The following PCYT1B variants were observed in gnomAD, a reference collection of about 807,000 sequenced individuals.
PCYT1B encodes the protein choline-phosphate cytidylyltransferase B.
In PCYT1B, 10 loss-of-function variants were observed where a neutral mutation model predicts 26.4. That is an observed-to-expected ratio of 0.38 (90% CI 0.23 to 0.64). The LOEUF (loss-of-function observed/expected upper bound fraction) is 0.64. Ranked by LOEUF, PCYT1B falls within the 30% of genes least tolerant of loss-of-function variation. The pLI is 0.56. For synonymous variants in PCYT1B, 131 were observed against 108.4 expected, an observed-to-expected ratio of 1.21 and a Z score of -1.29; for missense variants, 161 against 292.7, an observed-to-expected ratio of 0.55 and a Z score of 3.28.
upstream of PCYT1B, among the ~76,000 whole-genome samples, chrX:24,649,268 T>C (rs150547153): frequency 8.9e-6 from 1 of 111,848 alleles, no homozygotes; most frequent in Non-Finnish European, 1.9e-5. Context: ...GACATGGTTA[T>C]TCTAATCTCA....
At chrX:24,617,985 A>G (rs1256092801) in intron 2 of PCYT1B, among the ~76,000 whole-genome samples, 1 of 111,992 alleles carries the variant, frequency 8.9e-6, no homozygotes, top group African/African-American at 3.2e-5. Flanking sequence ...CACTCAGGCC[A>G]AATGAATCTG....
At chrX:24,589,814 A>G (rs771214749) in intron 4 of PCYT1B, among the ~76,000 whole-genome samples, 1 of 111,372 alleles carries the variant, frequency 9.0e-6, no homozygotes, top group South Asian at 3.8e-4. Flanking sequence ...TGGGCGGTTT[A>G]GATCCAGGGC....
At chrX:24,653,003 T>C (rs1009093795) in intron 1 of PCYT1B, among the ~76,000 whole-genome samples, 1 of 111,200 alleles carries the variant, frequency 9.0e-6, no homozygotes. Context: ...TAGAATCGCT[T>C]GAACCCAGGA....
At chrX:24,672,684 C>A, upstream of PCYT1B, 1 of 985,671 alleles carries the variant, frequency 1.0e-6, no homozygotes, top group Non-Finnish European at 1.4e-6. Context: ...CTTTGGAGTT[C>A]TTTTGAGTCA....
At chrX:24,631,506 A>G (rs1230346968) in intron 1 of PCYT1B, among the ~76,000 whole-genome samples, 1 of 111,275 alleles carries the variant, frequency 9.0e-6, no homozygotes, top group African/African-American at 3.3e-5. Flanking sequence ...ATGACCTTTC[A>G]TTATAACGTG....
At chrX:24,667,467 G>C (rs1389198103) in intron 1 of PCYT1B, among the ~76,000 whole-genome samples, 1 of 111,117 alleles carries the variant, frequency 9.0e-6, no homozygotes, top group Admixed American at 9.6e-5. Context: ...CTGTAATCCC[G>C]ACACTTTGGG....
intron 5 of PCYT1B, among the ~76,000 whole-genome samples, chrX:24,586,202 C>A (rs1307748990): frequency 8.9e-6 from 1 of 112,393 alleles, no homozygotes; most frequent in African/African-American, 3.2e-5. Context: ...CAATTCCTGG[C>A]TTATAGATGC....
chrX:24,617,368 TTTG>T (rs1272753370), intron 2 of PCYT1B, among the ~76,000 whole-genome samples: 1 of 54,351 alleles, frequency 1.8e-5, no homozygotes, highest in East Asian at 6.4e-4. Context: ...GTTTGGTTTG[TTTG>T]TTTTTTTTTT....
chrX:24,649,894 C>T (rs1337072132), upstream of PCYT1B, among the ~76,000 whole-genome samples: 1 of 112,632 alleles, frequency 8.9e-6, no homozygotes, highest in Non-Finnish European at 1.9e-5. Context: ...ATTTAGACTT[C>T]TGTCTAACTG....
Position 24,647,326 on chromosome X carries a change from A to G in PCYT1B, c.-221T>C, listed in dbSNP as rs1926663439. ...CCAAGAGGCAAGGCCTCAGTTTATC[A>G]CTATAACAACCAGACGACACTGAAG... On this transcript the variant is annotated 5_prime_UTR_variant, in exon 1 of 8. Transcript: ENST00000379144. 3 of 977,192 alleles carry G rather than the reference A, an allele frequency of 3.1e-6. No homozygotes were observed. Among genetic ancestry groups the G allele is most frequent in the Non-Finnish European group, 3.9e-6 (3 of 776,682 alleles). The allele number at this position is 977,192 out of a possible 1,213,427, so 80.5% of individuals were successfully genotyped here.
Position 24,575,795 on chromosome X carries a change from C to A in PCYT1B, c.709-477G>T, listed in dbSNP as rs148657574. Among the ~76,000 whole-genome samples the A allele has an allele frequency of 2.6e-3, 297 of 112,159 alleles. 4 individuals are homozygous for A. Among genetic ancestry groups the A allele is most frequent in the African/African-American group, 9.3e-3 (286 of 30,910 alleles). ...TGAAATAAGTGGGCCATTAACTGGG[C>A]CTTAGAACCTATGTGTTATACTAAA... On this transcript the variant is annotated intron_variant, in intron 6 of 7. Coordinates refer to ENST00000379144, the MANE Select transcript of PCYT1B (RefSeq NM_004845.5).
intron 7 of PCYT1B, 83 bp from the exon 8 acceptor site, chrX:24,562,588 A>G: frequency 1.2e-6 from 1 of 849,397 alleles, no homozygotes; most frequent in Non-Finnish European, 1.7e-6. Flanking sequence ...CAGGCAGGAG[A>G]GCCACTACCC....
At chrX:24,622,794 A>T (rs1054845289) in intron 1 of PCYT1B, among the ~76,000 whole-genome samples, 1 of 112,001 alleles carries the variant, frequency 8.9e-6, no homozygotes, top group Non-Finnish European at 1.9e-5. Context: ...GCTCCCTGTG[A>T]GCTGAGGAAA....
At chrX:24,654,065 A>C in intron 1 of PCYT1B, among the ~76,000 whole-genome samples, 1 of 90,476 alleles carries the variant, frequency 1.1e-5, no homozygotes. Flanking sequence ...GCCTGACTCT[A>C]CTATTCCTTC....
intron 3 of PCYT1B, among the ~76,000 whole-genome samples, chrX:24,604,383 G>A (rs907872307): frequency 9.0e-5 from 10 of 110,613 alleles, no homozygotes; most frequent in African/African-American, 2.6e-4. Context: ...GAGCCACTGC[G>A]CCCAGCCAGG....
At chrX:24,658,441 G>T (rs1313340273) in intron 1 of PCYT1B, among the ~76,000 whole-genome samples, 1 of 109,996 alleles carries the variant, frequency 9.1e-6, no homozygotes, top group Non-Finnish European at 1.9e-5. Flanking sequence ...GTCTCAGTGG[G>T]CTAAAATCAA....
At chrX:24,566,941 T>C (rs1923650695) in intron 7 of PCYT1B, among the ~76,000 whole-genome samples, 1 of 111,228 alleles carries the variant, frequency 9.0e-6, no homozygotes, top group Non-Finnish European at 1.9e-5. Flanking sequence ...CCCCTCAAAG[T>C]CAAACAGAAA....
intron 2 of PCYT1B, among the ~76,000 whole-genome samples, chrX:24,613,294 G>A (rs1925366486): frequency 8.9e-6 from 1 of 112,093 alleles, no homozygotes; most frequent in Non-Finnish European, 1.9e-5. Context: ...AGTGGCACAA[G>A]TTAAGCTTTT....
Position 24,559,500 on chromosome X carries a change from A to G in PCYT1B, c.*2793T>C, listed in dbSNP as rs1420279437. 1 of 110,500 alleles carries G rather than the reference A, an allele frequency of 9.0e-6. No homozygotes were observed. The highest frequency in any genetic ancestry group is 1.9e-5 in the Non-Finnish European group (1 of 52,758). 9.1% of individuals were successfully genotyped at this position (110,500 alleles called of 1,213,427 possible). A position where few individuals can be genotyped will look rare whatever the true frequency, so the allele number is the denominator to read the frequency against. ...AAAAGAAAGAAAGAAAGAAAAGCGG[A>G]AAATCACTACCCTCCTGCTCCCCTA... On this transcript the variant is annotated 3_prime_UTR_variant, in exon 8 of 8. Transcript: ENST00000379144.
Sources: gnomAD v4.1 joint callset for allele counts (sites outside exome capture counted in the v4.1 genomes callset) on GRCh38, gnomAD v4.1.1 for gene constraint, MANE v1.5 for transcripts, NCBI Gene and HGNC (gene_info 2026-07-23, HGNC 2026-07-21) for gene names.